The following SMC1B variants were observed in gnomAD, a reference collection of about 807,000 sequenced individuals.
The protein encoded by SMC1B is structural maintenance of chromosomes 1B, also known as structural maintenance of chromosomes protein 1B.
SMC1B carries 60 observed loss-of-function variants against 157.9 expected under a neutral mutation model. The ratio of observed to expected loss-of-function variants is 0.38; its 90% confidence interval spans 0.31 to 0.47. The LOEUF is 0.47. Ranked by LOEUF, SMC1B falls within the 20% of genes least tolerant of loss-of-function variation. The probability of loss-of-function intolerance (pLI) is 0.99; values close to 1 mark genes in which losing one functional copy is unlikely to be tolerated. For missense variants in SMC1B, 1,165 were observed against 1,426.2 expected (o/e 0.82, Z 2.95); for synonymous variants, 445 against 483.0 (o/e 0.92, Z 1.03).
chr22:45,401,326 C>G (rs1208170306), intron 5 of SMC1B, among the ~76,000 whole-genome samples: 1 of 152,104 alleles, frequency 6.6e-6, no homozygotes, highest in Non-Finnish European at 1.5e-5. Context: ...CAAAGAGGAG[C>G]CTGAAAAATT....
intron 9 of SMC1B, among the ~76,000 whole-genome samples, chr22:45,392,309 G>A (rs1569192634): frequency 6.6e-6 from 1 of 152,062 alleles, no homozygotes; most frequent in Non-Finnish European, 1.5e-5. Context: ...CTTCTTGCTA[G>A]ATCAAGGAAT....
intron 6 of SMC1B, among the ~76,000 whole-genome samples, 178 bp downstream of exon 6, chr22:45,398,911 CAAAATT>C: frequency 6.6e-6 from 1 of 152,058 alleles, no homozygotes; most frequent in Non-Finnish European, 1.5e-5. Flanking sequence ...CCTCTCTCTA[CAAAATT>C]AAAATTAAAA....
intron 17 of SMC1B, among the ~76,000 whole-genome samples, chr22:45,360,534 C>T (rs1242498639): frequency 6.6e-6 from 1 of 152,040 alleles, no homozygotes; most frequent in Non-Finnish European, 1.5e-5. Context: ...TCTGTTTGGG[C>T]TGAGTGTGGT....
chr22:45,413,549 G>C lies in SMC1B; in HGVS notation c.19C>G (p.Leu7Val). ...CACGACTTGAAATTTTCCACAAGCA[G>C]CAGCTCCAGGTGGGCCATGGCGCCG... The part of the protein sequence containing the change: MAHLEL[L>V]LVENFKSWRG... The change falls in exon 1 of 25, where the codon CTG becomes GTG. Residue 7 changes from leucine (L) to valine (V), a missense_variant. Transcript: ENST00000357450. 6.2e-7 allele frequency: 1 copy of C among 1,610,068 alleles called. No homozygotes were observed. The highest frequency in any genetic ancestry group is 8.5e-7 in the Non-Finnish European group (1 of 1,178,194).
chr22:45,353,922 A>AAAAAAAAAAAAAAAAAAAAC, intron 21 of SMC1B, 56 bp downstream of exon 21: 1 of 1,033,194 alleles, frequency 9.7e-7, no homozygotes, highest in Non-Finnish European at 1.4e-6. Context: ...AAAAAAAAAC[A>AAAAAAAAAAAAAAAAAAAAC]ACCACCACCG....
At chr22:45,409,970 G>A (rs991174546) in intron 1 of SMC1B, among the ~76,000 whole-genome samples, 5 of 152,216 alleles carry the variant, frequency 3.3e-5, no homozygotes, top group African/African-American at 1.2e-4. Context: ...GTGCCTATGT[G>A]ACAATCTCCC....
chr22:45,354,689 C>T (rs113768144), intron 20 of SMC1B, among the ~76,000 whole-genome samples: 3 of 152,132 alleles, frequency 2.0e-5, no homozygotes, highest in African/African-American at 7.2e-5. Flanking sequence ...CTGCGCCCAG[C>T]CTGATAAGAG....
intron 15 of SMC1B, among the ~76,000 whole-genome samples, chr22:45,364,823 CCTT>C (rs2086757413): frequency 7.7e-6 from 1 of 129,442 alleles, no homozygotes; most frequent in African/African-American, 2.8e-5. Flanking sequence ...GATCTCTTTT[CCTT>C]TTTTTTTTTT....
rs772082056 is a variant in SMC1B, at chr22:45,393,774, T to G, written c.1405A>C (p.Arg469=). 6 of 1,613,772 alleles carry G rather than the reference T, an allele frequency of 3.7e-6. No individual in the cohort carries two copies. Among genetic ancestry groups the G allele is most frequent in the East Asian group, 4.5e-5 (2 of 44,886 alleles). The change falls in exon 9 of 25, where the codon AGA becomes CGA. Residue 469 remains arginine (R), a synonymous_variant. Coordinates refer to ENST00000357450, the MANE Select transcript of SMC1B (RefSeq NM_148674.5). ...AATTCTTCATTAACTTCAGACATTC[T>G]TGATTTTGTTTTTTCAATTTCATCC... The part of the protein sequence containing the change: ...LVDEIEKTKS[R]MSEVNEELNL...
intron 1 of SMC1B, among the ~76,000 whole-genome samples, chr22:45,409,546 CGAG>C (rs1055545261): frequency 3.3e-5 from 5 of 150,834 alleles, no homozygotes; most frequent in African/African-American, 1.2e-4. Context: ...GCCTGGGCAA[CGAG>C]GAGAGACTCC....
chr22:45,361,554 G>A (rs553236817), intron 17 of SMC1B, among the ~76,000 whole-genome samples: 3 of 152,248 alleles, frequency 2.0e-5, no homozygotes, highest in African/African-American at 7.2e-5. Context: ...TTTGAACCCG[G>A]GAAGCAAAGG....
intron 1 of SMC1B, among the ~76,000 whole-genome samples, chr22:45,409,627 A>T (rs2087308186): frequency 6.6e-6 from 1 of 151,922 alleles, no homozygotes; most frequent in Admixed American, 6.6e-5. Context: ...AGAGAAGCTA[A>T]CTAAATCCAG....
chr22:45,384,165 AATT>A (rs1163800551), intron 11 of SMC1B, among the ~76,000 whole-genome samples: 1 of 152,098 alleles, frequency 6.6e-6, no homozygotes, highest in African/African-American at 2.4e-5. Flanking sequence ...CATGTTTAAG[AATT>A]ATTATATTTC....
rs1438494658 is a variant in SMC1B, at chr22:45,383,395, T to TA, written c.2058+71dup. 5.0e-6 allele frequency: 6 copies of TA among 1,200,752 alleles called. No homozygotes were observed. The African/African-American group carries it at 6.3e-5, about 13-fold the overall frequency. 74.4% of individuals were successfully genotyped at this position (1,200,752 alleles called of 1,614,324 possible). ...AACTATAGAATTGGCACTGTTATTA[T>TA]AAAAAACCCACCTAGTTTAAAAACA... On this transcript the variant is annotated intron_variant, in intron 12 of 24. Transcript: ENST00000357450.
chr22:45,359,170 T>C (rs552982368), intron 18 of SMC1B, among the ~76,000 whole-genome samples: 15 of 152,340 alleles, frequency 9.8e-5, no homozygotes, highest in African/African-American at 3.1e-4. Context: ...ACCAAAACTA[T>C]GCCATTTTAG....
At chr22:45,344,969 C>T (rs1283415281) in intron 24 of SMC1B, among the ~76,000 whole-genome samples, 2 of 152,126 alleles carry the variant, frequency 1.3e-5, no homozygotes, top group Non-Finnish European at 2.9e-5. Flanking sequence ...GAACTAGTGG[C>T]TCTACTTCAT....
intron 12 of SMC1B, among the ~76,000 whole-genome samples, chr22:45,374,090 G>GTTT (rs35971057): frequency 1.2e-4 from 10 of 85,498 alleles, no homozygotes; most frequent in Non-Finnish European, 1.7e-4. Flanking sequence ...AACAAAGACG[G>GTTT]TTTTTTTTTT....
rs769117166 is a variant in SMC1B at position 45,371,607 on chromosome 22, AT to A, written c.2197-21del. Reference sequence around the variant, plus strand: ...TTGTTCCTAATAACAAAAGAGAAAAATTTTTTTAACATGGCTGTTTTAGCTT... The same window carrying A: ...TTGTTCCTAATAACAAAAGAGAAAAATTTTTTAACATGGCTGTTTTAGCTT... On this transcript the variant is annotated intron_variant, in intron 13 of 24. Coordinates refer to ENST00000357450, the MANE Select transcript of SMC1B (RefSeq NM_148674.5). 5 of 1,572,858 alleles carry A rather than the reference AT, an allele frequency of 3.2e-6. No individual in the cohort carries two copies. The highest frequency in any genetic ancestry group is 2.4e-5 in the South Asian group (2 of 82,172).
chr22:45,413,093 C>G (rs886200295), intron 1 of SMC1B, among the ~76,000 whole-genome samples: 5 of 151,436 alleles, frequency 3.3e-5, no homozygotes, highest in African/African-American at 1.2e-4. Context: ...AGATGAAGGG[C>G]GAGGGCCGGA....
Sources: allele counts gnomAD v4.1 joint callset (sites outside exome capture counted in the v4.1 genomes callset), GRCh38; gene constraint gnomAD v4.1.1; transcripts MANE v1.5; gene names NCBI Gene and HGNC (gene_info 2026-07-23, HGNC 2026-07-21).